TSNARE1: variants seen among roughly 807,000 people sequenced by gnomAD.
TSNARE1 encodes the protein t-SNARE domain-containing protein 1.
A neutral mutation model predicts 62.0 loss-of-function variants in TSNARE1; 49 were observed. The ratio of observed to expected loss-of-function variants is 0.79; its 90% CI spans 0.63 to 1.00. The LOEUF (loss-of-function observed/expected upper bound fraction) is 1.00. Among genes scored for constraint, TSNARE1 ranks in the 50% least tolerant of loss-of-function variants. TSNARE1 has a pLI of 0.00. For missense variants in TSNARE1, 755 were observed against 700.1 expected, an observed-to-expected ratio of 1.08 and a Z score of -0.88; for synonymous variants, 328 against 294.4, an observed-to-expected ratio of 1.11 and a Z score of -1.17.
chr8:142,240,340 A>G (rs1056044087), intron 12 of TSNARE1, among the ~76,000 whole-genome samples: 2 of 152,092 alleles, frequency 1.3e-5, no homozygotes, highest in South Asian at 2.1e-4. Context: ...TAGCCACGGA[A>G]TACATAAAGC....
chr8:142,280,225 C>A, intron 11 of TSNARE1: 3 of 985,350 alleles, frequency 3.0e-6, no homozygotes, highest in Non-Finnish European at 3.6e-6. Flanking sequence ...GGGGCCCGGC[C>A]GCAGGGGTGT....
At chr8:142,300,429 G>T in intron 10 of TSNARE1, 57 bp downstream of exon 10, 2 of 1,541,400 alleles carry the variant, frequency 1.3e-6, no homozygotes, top group Non-Finnish European at 1.7e-6. Flanking sequence ...GGCTCCTCTG[G>T]TTCCCAGCCT....
intron 13 of TSNARE1, among the ~76,000 whole-genome samples, chr8:142,228,896 A>G (rs13253428): frequency 2.6e-5 from 4 of 151,378 alleles, no homozygotes; most frequent in Non-Finnish European, 5.9e-5. Flanking sequence ...CAGATGGTGT[A>G]CAGGTGCATG....
chr8:142,369,718 C>T (rs1376444338), intron 1 of TSNARE1, among the ~76,000 whole-genome samples: 1 of 152,168 alleles, frequency 6.6e-6, no homozygotes, highest in Non-Finnish European at 1.5e-5. Flanking sequence ...CTCTGCCATA[C>T]ACTCAACACA....
intron 1 of TSNARE1, among the ~76,000 whole-genome samples, chr8:142,402,388 G>A (rs1178717820): frequency 1.3e-5 from 2 of 152,212 alleles, no homozygotes; most frequent in Non-Finnish European, 2.9e-5. Context: ...AATCCTTCAC[G>A]TTAAGGACAA....
At chr8:142,349,436 G>C (rs531588713) in intron 2 of TSNARE1, among the ~76,000 whole-genome samples, 1 of 152,278 alleles carries the variant, frequency 6.6e-6, no homozygotes, top group South Asian at 2.1e-4. Context: ...CATGGTGAAT[G>C]TGGTAAATAT....
chr8:142,295,874 G>A (rs982856915), intron 10 of TSNARE1, among the ~76,000 whole-genome samples: 1 of 150,920 alleles, frequency 6.6e-6, no homozygotes, highest in Non-Finnish European at 1.5e-5. Context: ...GACACCCTGT[G>A]CGCAGGGATG....
chr8:142,399,567 C>T (rs1031972509), intron 1 of TSNARE1, among the ~76,000 whole-genome samples: 1 of 152,212 alleles, frequency 6.6e-6, no homozygotes, highest in Non-Finnish European at 1.5e-5. Context: ...AGCATCCACA[C>T]TGAACAACTG....
chr8:142,351,949 A>G (rs1363385200), intron 2 of TSNARE1, among the ~76,000 whole-genome samples: 1 of 152,266 alleles, frequency 6.6e-6, no homozygotes. Flanking sequence ...TTAAATATGA[A>G]AAACAAATTG....
At chr8:142,301,580 T>A (rs1825787868) in intron 9 of TSNARE1, among the ~76,000 whole-genome samples, 1 of 152,202 alleles carries the variant, frequency 6.6e-6, no homozygotes, top group African/African-American at 2.4e-5. Context: ...GGGCCTTCCT[T>A]CACCTTAGGA....
At chr8:142,306,334 T>G (rs1458081240) in intron 9 of TSNARE1, among the ~76,000 whole-genome samples, 1 of 152,230 alleles carries the variant, frequency 6.6e-6, no homozygotes, top group East Asian at 1.9e-4. Context: ...TCTTCACTTC[T>G]GCAGCCCGGC....
intron 12 of TSNARE1, among the ~76,000 whole-genome samples, chr8:142,236,506 G>A (rs1172658321): frequency 6.7e-6 from 1 of 149,328 alleles, no homozygotes; most frequent in Non-Finnish European, 1.5e-5. Flanking sequence ...AATCCCCCAA[G>A]TTGGCCCCCC....
intron 12 of TSNARE1, among the ~76,000 whole-genome samples, chr8:142,256,303 ACCACC>A (rs1446629864): frequency 7.0e-6 from 1 of 141,986 alleles, no homozygotes; most frequent in Non-Finnish European, 1.5e-5. Context: ...CACACCCACC[ACCACC>A]ATCATCACCA....
chr8:142,296,324 G>A (rs1586629643), intron 10 of TSNARE1, among the ~76,000 whole-genome samples: 1 of 85,000 alleles, frequency 1.2e-5, no homozygotes, highest in South Asian at 6.1e-4. Context: ...GGGGGAGGGG[G>A]TGGTGACTGT....
chr8:142,403,622 A>C (rs1162422400), upstream of TSNARE1: 1 of 152,092 alleles, frequency 6.6e-6, no homozygotes, highest in African/African-American at 2.4e-5. Context: ...TTGGGCCCCA[A>C]GTCAGGCTGC....
At chr8:142,346,864 G>A (rs1191584137) in intron 2 of TSNARE1, among the ~76,000 whole-genome samples, 2 of 152,220 alleles carry the variant, frequency 1.3e-5, no homozygotes, top group Non-Finnish European at 2.9e-5. Flanking sequence ...TCCCTCTCAG[G>A]ATCCGTCTAG....
At chr8:142,328,158 GT>G (rs1183004220) in intron 6 of TSNARE1, among the ~76,000 whole-genome samples, 5 of 142,690 alleles carry the variant, frequency 3.5e-5, no homozygotes, top group African/African-American at 1.1e-4. Flanking sequence ...AGAAATAATA[GT>G]TTTTTAAAAA....
At position 142,343,997 on chromosome 8, in the gene TSNARE1, G is replaced by A; in HGVS notation, c.714C>T (p.Pro238=). 6.5e-7 allele frequency: 1 copy of A among 1,546,858 alleles called. No homozygotes were observed. Among genetic ancestry groups the A allele is most frequent in the Non-Finnish European group, 8.7e-7 (1 of 1,145,026 alleles). Residue 238 remains proline (P), a synonymous_variant, in exon 4 of 14, where the codon CCC becomes CCT. Transcript: ENST00000524325. ...GCGGCTCCAGACTGAAGCCCTCGGA[G>A]GGCAGGGCCTGGCAAGAGAAGGTCT... is the stretch of plus-strand genomic sequence containing the variant. ...VAKTFSCQAL[P]SEGFSLEPPR... is the part of the protein sequence containing the mutation.
intron 10 of TSNARE1, among the ~76,000 whole-genome samples, chr8:142,296,401 G>A (rs1287548057): frequency 8.4e-6 from 1 of 119,444 alleles, no homozygotes; most frequent in Non-Finnish European, 1.8e-5. Context: ...GGTGGTCACT[G>A]TCATGGAGGA....
Sources: gnomAD v4.1 joint callset for allele counts (sites outside exome capture counted in the v4.1 genomes callset) on GRCh38, gnomAD v4.1.1 for gene constraint, MANE v1.5 for transcripts, NCBI Gene and HGNC (gene_info 2026-07-23, HGNC 2026-07-21) for gene names.